The following DYNC1I1 variants were observed in gnomAD, a reference collection of about 807,000 sequenced individuals.
The protein encoded by DYNC1I1 is dynein cytoplasmic 1 intermediate chain 1, also known as cytoplasmic dynein 1 intermediate chain 1.
In DYNC1I1, 43 loss-of-function variants were observed where a neutral mutation model predicts 86.6. The ratio of observed to expected loss-of-function variants is 0.50; its 90% CI spans 0.39 to 0.64. DYNC1I1 has a LOEUF of 0.64. Among genes scored for constraint, DYNC1I1 ranks in the 30% least tolerant of loss-of-function variants. DYNC1I1 has a pLI of 0.00. For synonymous variants in DYNC1I1, 262 were observed against 283.7 expected (o/e 0.92, Z 0.77); for missense variants, 604 against 788.8 (o/e 0.77, Z 2.81).
chr7:96,096,079 T>TA (rs1790995822), intron 16 of DYNC1I1, among the ~76,000 whole-genome samples: 1 of 152,284 alleles, frequency 6.6e-6, no homozygotes, highest in African/African-American at 2.4e-5. Flanking sequence ...TCCTTGCCTC[T>TA]ATATCATTTC....
chr7:96,034,934 T>G (rs1022837243), intron 12 of DYNC1I1, among the ~76,000 whole-genome samples: 2 of 152,252 alleles, frequency 1.3e-5, no homozygotes, highest in African/African-American at 4.8e-5. Flanking sequence ...TAGTTATAAT[T>G]GATTATTCTT....
intron 14 of DYNC1I1, among the ~76,000 whole-genome samples, chr7:96,070,788 C>T (rs1285776601): frequency 6.6e-6 from 1 of 152,048 alleles, no homozygotes; most frequent in Non-Finnish European, 1.5e-5. Context: ...TGCCTAGAGG[C>T]GTGTGATAAG....
At chr7:95,959,167 A>G (rs77773626) in intron 6 of DYNC1I1, among the ~76,000 whole-genome samples, 4,986 of 152,066 alleles carry the variant, frequency 0.033, 219 homozygotes, top group African/African-American at 0.099. Flanking sequence ...GTGAGAGGCT[A>G]TGAATGCTTG....
chr7:96,042,022 G>A lies in DYNC1I1; in HGVS notation c.1509+2601G>A, dbSNP rs150871283. ...CTTACATGAAAGAATGATTTGAAGT[G>A]ACTTTAAAACTCTGTATGTTTGGTA... is the stretch of plus-strand genomic sequence containing the variant. On this transcript the variant is annotated intron_variant, in intron 14 of 16. Coordinates refer to ENST00000447467, the MANE Select transcript of DYNC1I1 (RefSeq NM_001135556.2). Among the ~76,000 whole-genome samples the A allele has an allele frequency of 7.8e-3, 1,186 of 152,074 alleles. 35 individuals carry two copies. Among genetic ancestry groups the A allele is most frequent in the Admixed American group, 0.057 (867 of 15,272 alleles).
chr7:95,939,484 T>C (rs1212783524), intron 6 of DYNC1I1, among the ~76,000 whole-genome samples: 1 of 152,056 alleles, frequency 6.6e-6, no homozygotes, highest in African/African-American at 2.4e-5. Context: ...GGTGCTCCTG[T>C]ATTGGGTGCA....
chr7:96,090,346 CA>C (rs1233252004), intron 16 of DYNC1I1, among the ~76,000 whole-genome samples: 1 of 151,280 alleles, frequency 6.6e-6, no homozygotes. Context: ...AAATATTTTA[CA>C]TGTTACTTTC....
At chr7:95,985,876 C>T (rs1171780983) in intron 8 of DYNC1I1, among the ~76,000 whole-genome samples, 1 of 152,066 alleles carries the variant, frequency 6.6e-6, no homozygotes, top group African/African-American at 2.4e-5. Flanking sequence ...TTTAGACTAC[C>T]TTGAAGAAAC....
At chr7:95,779,726 A>G (rs111486650) in intron 1 of DYNC1I1, among the ~76,000 whole-genome samples, 1,550 of 152,368 alleles carry the variant, frequency 0.01, 20 homozygotes, top group African/African-American at 0.035. Flanking sequence ...AATATTAGCC[A>G]GAATAAATCC....
chr7:95,981,207 G>A (rs540038738), intron 7 of DYNC1I1, among the ~76,000 whole-genome samples: 102 of 151,574 alleles, frequency 6.7e-4, no homozygotes, highest in African/African-American at 2.4e-3. Context: ...TTTATAGAGG[G>A]AAAAAAATCA....
In DYNC1I1 at chr7:96,050,460, C is replaced by G. The variant is rs79939982; in HGVS notation, c.1509+11039C>G. On this transcript the variant is annotated intron_variant, in intron 14 of 16. Coordinates refer to ENST00000447467, the MANE Select transcript of DYNC1I1 (RefSeq NM_001135556.2). ...AGAGAAAATGCAATCATTGTCAATT[C>G]TCTTTGTGATTTGAATAGTTAATAT... Among the ~76,000 whole-genome samples the G allele has an allele frequency of 1.1e-4, 17 of 152,224 alleles. No homozygotes were observed. The East Asian group carries it at 2.7e-3, about 24-fold the overall frequency.
chr7:95,964,272 A>G (rs1360857343), intron 6 of DYNC1I1, among the ~76,000 whole-genome samples: 1 of 152,190 alleles, frequency 6.6e-6, no homozygotes, highest in African/African-American at 2.4e-5. Context: ...CATTTTCTAG[A>G]GAACAAGAAT....
intron 6 of DYNC1I1, among the ~76,000 whole-genome samples, chr7:95,883,598 G>A (rs1306128918): frequency 1.3e-5 from 2 of 152,160 alleles, no homozygotes. Flanking sequence ...ACTAACTAAT[G>A]TATGCATAAA....
intron 8 of DYNC1I1, among the ~76,000 whole-genome samples, chr7:95,986,024 G>GTGTGTGTGTGTGTGTT (rs1491375933): frequency 9.2e-5 from 1 of 10,870 alleles, no homozygotes; most frequent in East Asian, 3.5e-3. Flanking sequence ...CTGGCAGGAC[G>GTGTGTGTGTGTGTGTT]TGTGTGTGTG....
At position 95,894,052 on chromosome 7, in the gene DYNC1I1, T is replaced by C. The variant is rs150667552; in HGVS notation, c.490+24054T>C. Reference sequence around the variant, plus strand: ...TACTTATGAAGAAATTTGATAACTATTTAACATGTTGATATTATACTACTA... The same window carrying C: ...TACTTATGAAGAAATTTGATAACTACTTAACATGTTGATATTATACTACTA... On this transcript the variant is annotated intron_variant, in intron 6 of 16. Transcript: ENST00000447467. 1.6e-3 allele frequency among the ~76,000 whole-genome samples: 250 copies of C among 152,242 alleles called. 1 individual carries two copies. Among genetic ancestry groups the C allele is most frequent in the Non-Finnish European group, 2.6e-3 (175 of 68,012 alleles).
chr7:95,829,079 A>C (rs541049107), intron 5 of DYNC1I1, among the ~76,000 whole-genome samples: 4 of 152,296 alleles, frequency 2.6e-5, no homozygotes, highest in African/African-American at 9.6e-5. Context: ...TTATGGAACC[A>C]TTATCTTTTC....
At chr7:95,838,906 G>A (rs1337518457) in intron 5 of DYNC1I1, among the ~76,000 whole-genome samples, 2 of 152,152 alleles carry the variant, frequency 1.3e-5, no homozygotes, top group African/African-American at 2.4e-5. Context: ...ACAAGGTCAT[G>A]TCATCTACAA....
intron 10 of DYNC1I1, among the ~76,000 whole-genome samples, chr7:96,027,601 A>G (rs1393801818): frequency 1.3e-5 from 2 of 152,170 alleles, no homozygotes; most frequent in East Asian, 1.9e-4. Flanking sequence ...AAGAATGCCC[A>G]TGGGAGGTGA....
At chr7:95,838,156 A>G (rs1309945665) in intron 5 of DYNC1I1, among the ~76,000 whole-genome samples, 1 of 152,204 alleles carries the variant, frequency 6.6e-6, no homozygotes, top group Non-Finnish European at 1.5e-5. Flanking sequence ...TAGGAGTTGT[A>G]TAGTTGCAGG....
intron 6 of DYNC1I1, among the ~76,000 whole-genome samples, chr7:95,919,745 A>C (rs563982846): frequency 6.6e-6 from 1 of 152,346 alleles, no homozygotes; most frequent in African/African-American, 2.4e-5. Flanking sequence ...GGGGAAAAAT[A>C]TGAAGTGAGA....
Sources: gnomAD v4.1 joint callset for allele counts (sites outside exome capture counted in the v4.1 genomes callset) on GRCh38, gnomAD v4.1.1 for gene constraint, MANE v1.5 for transcripts, NCBI Gene and HGNC (gene_info 2026-07-23, HGNC 2026-07-21) for gene names.